The following FLRT1 variants were observed in gnomAD, a reference collection of about 807,000 sequenced individuals.
The protein encoded by FLRT1 is fibronectin leucine rich transmembrane protein 1, also known as leucine-rich repeat transmembrane protein FLRT1.
In FLRT1, 14 loss-of-function variants were observed where a neutral mutation model predicts 30.9. That is an observed-to-expected ratio of 0.45 (90% CI 0.30 to 0.71). The LOEUF is 0.71. Ranked by LOEUF, FLRT1 falls within the 30% of genes least tolerant of loss-of-function variation. The pLI is 0.08. For missense variants in FLRT1, 737 were observed against 949.2 expected, an observed-to-expected ratio of 0.78 and a Z score of 2.94; for synonymous variants, 368 against 430.4, an observed-to-expected ratio of 0.85 and a Z score of 1.80.
intron 1 of FLRT1, among the ~76,000 whole-genome samples, chr11:64,057,184 T>G (rs11231686): frequency 0.011 from 1,718 of 152,266 alleles, 35 homozygotes; most frequent in African/African-American, 0.039. Context: ...AGCCCCGTGT[T>G]TATAAGGCTG....
chr11:64,067,645 G>A lies in FLRT1; in HGVS notation c.-1038+31486G>A, dbSNP rs532120408. On this transcript the variant is annotated intron_variant, in intron 1 of 2. Coordinates refer to ENST00000682287, the MANE Select transcript of FLRT1 (RefSeq NM_013280.5). The surrounding 1 kb of genome is among the most constrained non-coding windows in gnomAD (Gnocchi z 4.6). ...CCCGTGGCCTCCGGTGCACACACAG[G>A]GTCCCCAAGCAGGCAGCTGGAGGGC... 1.7e-4 allele frequency among the ~76,000 whole-genome samples: 26 copies of A among 152,250 alleles called. No homozygotes were observed. Among genetic ancestry groups the A allele is most frequent in the African/African-American group, 6.3e-4 (26 of 41,554 alleles).
rs570152218 is a variant in FLRT1, at chr11:64,064,495, A to T, written c.-1038+28336A>T. 1.3e-5 allele frequency among the ~76,000 whole-genome samples: 2 copies of T among 152,084 alleles called. No individual in the cohort carries two copies. The highest frequency in any genetic ancestry group is 3.9e-4 in the East Asian group (2 of 5,172). On this transcript the variant is annotated intron_variant, in intron 1 of 2. Transcript: ENST00000682287. This position sits in a 1 kb window ranked among gnomAD's most constrained non-coding sequence, Gnocchi z 4.5. The stretch of plus-strand genomic sequence containing the variant: ...ACCGGAGGCCTCAGGCCTGCCCCGG[A>T]TGGGCACGCAGGCAGGGTGCATATG...
At chr11:64,039,421 G>C (rs503133) in intron 1 of FLRT1, among the ~76,000 whole-genome samples, 396 of 152,224 alleles carry the variant, frequency 2.6e-3, no homozygotes, top group Non-Finnish European at 4.1e-3. Flanking sequence ...GGGTGGTAGC[G>C]GGGGGTCCCT....
chr11:64,083,266 T>C (rs1034224659), intron 1 of FLRT1, among the ~76,000 whole-genome samples: 1 of 152,094 alleles, frequency 6.6e-6, no homozygotes, highest in Non-Finnish European at 1.5e-5. Context: ...TGAAACCCCA[T>C]CTCTACTAAA....
chr11:64,117,851 G>C lies in FLRT1; in HGVS notation c.1584G>C (p.Glu528Asp). 6.2e-7 allele frequency: 1 copy of C among 1,614,174 alleles called. No individual in the cohort carries two copies. Among genetic ancestry groups the C allele is most frequent in the Non-Finnish European group, 8.5e-7 (1 of 1,180,038 alleles). ...AGACACCCGTGTGTGCCAAGGCAGA[G>C]ACAGCCGACAGCTATGGCCCTACCA... Reference protein sequence around the residue: ...ADETPVCAKAETADSYGPTTT... With the variant: ...ADETPVCAKADTADSYGPTTT... Residue 528 changes from glutamate to aspartate, a missense_variant, in exon 3 of 3, where the codon GAG (glutamate) becomes GAC (aspartate). By Grantham distance (45) the Glu-to-Asp change is conservative (BLOSUM62 2). Transcript: ENST00000682287.
At chr11:64,089,582 A>G (rs1259708651) in intron 1 of FLRT1, among the ~76,000 whole-genome samples, 1 of 152,218 alleles carries the variant, frequency 6.6e-6, no homozygotes, top group Non-Finnish European at 1.5e-5. Context: ...GACCAGAGAA[A>G]GCGGCTGAAA....
intron 1 of FLRT1, among the ~76,000 whole-genome samples, chr11:64,072,812 T>TG (rs1160293353): frequency 6.6e-6 from 1 of 152,226 alleles, no homozygotes; most frequent in Non-Finnish European, 1.5e-5. Context: ...ACCCTGCATG[T>TG]GGCTCAGTGG....
chr11:64,083,323 C>G (rs1427364395), intron 1 of FLRT1, among the ~76,000 whole-genome samples: 2 of 152,186 alleles, frequency 1.3e-5, no homozygotes, highest in Non-Finnish European at 2.9e-5. Flanking sequence ...ATAGTCCCAG[C>G]TACTCCAGAG....
rs141502606 is a variant in FLRT1, at chr11:64,067,799, C to T, written c.-1038+31640C>T. 9.6e-3 allele frequency among the ~76,000 whole-genome samples: 1,467 copies of T among 152,214 alleles called. 15 individuals carry two copies. The highest frequency in any genetic ancestry group is 0.028 in the South Asian group (134 of 4,818). On this transcript the variant is annotated intron_variant, in intron 1 of 2. Coordinates refer to ENST00000682287, the MANE Select transcript of FLRT1 (RefSeq NM_013280.5). The surrounding 1 kb of genome is among the most constrained non-coding windows in gnomAD (Gnocchi z 4.6). ...CTGTTTGTTTTCCCTGACTGAGGGG[C>T]GGCTGTGCCACCCCCACACTCCTGA...
intron 1 of FLRT1, among the ~76,000 whole-genome samples, chr11:64,045,960 A>T (rs1004980933): frequency 1.3e-5 from 2 of 152,190 alleles, no homozygotes; most frequent in Non-Finnish European, 2.9e-5. Flanking sequence ...AACATGACTG[A>T]GCACTCACTG....
chr11:64,040,579 G>T (rs1943465264), intron 1 of FLRT1, among the ~76,000 whole-genome samples: 1 of 152,224 alleles, frequency 6.6e-6, no homozygotes, highest in Admixed American at 6.5e-5. Context: ...GGGATGCCAG[G>T]TCCCCTTTTC....
intron 1 of FLRT1, among the ~76,000 whole-genome samples, chr11:64,075,939 G>T (rs1458274902): frequency 1.3e-5 from 2 of 152,248 alleles, no homozygotes; most frequent in Non-Finnish European, 2.9e-5. Flanking sequence ...TTCCCAAAGT[G>T]TTGGGATTGC....
At chr11:64,058,438 G>A (rs561331089) in intron 1 of FLRT1, among the ~76,000 whole-genome samples, 3 of 152,384 alleles carry the variant, frequency 2.0e-5, no homozygotes, top group Non-Finnish European at 4.4e-5. Flanking sequence ...CAGGCCTGAC[G>A]AGGGGGCACC....
At chr11:64,114,908 G>A (rs564246270) in intron 2 of FLRT1, among the ~76,000 whole-genome samples, 2 of 152,306 alleles carry the variant, frequency 1.3e-5, no homozygotes, top group African/African-American at 2.4e-5. Context: ...TAGCTTGCTC[G>A]ATGGAAAGAA....
Position 64,116,305 on chromosome 11 carries a change from C to T in FLRT1, c.38C>T (p.Thr13Met), listed in dbSNP as rs139768227. The T allele has an allele frequency of 2.1e-4, 331 of 1,606,322 alleles. No individual in the cohort carries two copies. Among genetic ancestry groups the T allele is most frequent in the Non-Finnish European group, 2.6e-4 (309 of 1,178,150 alleles). ...CACCCCACCGCCACTGCCACCACCA[C>T]GCCCACTGCCACTGTCACGGCCACC... Reference protein sequence around the residue: ...VAHPTATATTTPTATVTATVV... With the variant: ...VAHPTATATTMPTATVTATVV... Residue 13 changes from threonine to methionine, a missense_variant, in exon 3 of 3, where the codon ACG (threonine) becomes ATG (methionine). By Grantham distance (81) the Thr-to-Met change is moderately conservative. Coordinates refer to ENST00000682287, the MANE Select transcript of FLRT1 (RefSeq NM_013280.5).
At chr11:64,112,058 T>C (rs915354958) in intron 2 of FLRT1, among the ~76,000 whole-genome samples, 2 of 152,220 alleles carry the variant, frequency 1.3e-5, no homozygotes, top group East Asian at 1.9e-4. Context: ...CAGGGGACCA[T>C]GGACAGGTCT....
At chr11:64,060,937 C>T (rs1004639482) in intron 1 of FLRT1, among the ~76,000 whole-genome samples, 1 of 151,322 alleles carries the variant, frequency 6.6e-6, no homozygotes, top group Non-Finnish European at 1.5e-5. Flanking sequence ...GCATGCGCAC[C>T]GCGGCGGCGG....
Position 64,117,613 on chromosome 11 carries a change from A to G in FLRT1, c.1346A>G (p.Asp449Gly). The part of the protein sequence containing the change: ...LAIHVKALTA[D>G]SIRITWKATL... ...ATCCACGTGAAGGCCCTGACGGCAG[A>G]CTCCATCCGCATCACGTGGAAGGCC... The change falls in exon 3 of 3, where the codon GAC (aspartate) becomes GGC (glycine). Residue 449 changes from aspartate (D) to glycine (G), a missense_variant. Coordinates refer to ENST00000682287, the MANE Select transcript of FLRT1 (RefSeq NM_013280.5). The G allele has an allele frequency of 1.2e-6, 2 of 1,613,284 alleles. No homozygotes were observed. Among genetic ancestry groups the G allele is most frequent in the Non-Finnish European group, 1.7e-6 (2 of 1,179,890 alleles).
chr11:64,053,090 C>T (rs1028232671), intron 1 of FLRT1, among the ~76,000 whole-genome samples: 2 of 152,220 alleles, frequency 1.3e-5, no homozygotes, highest in Non-Finnish European at 2.9e-5. Context: ...CTCCAGCACG[C>T]TGGGCCTGCC....
Sources: allele counts gnomAD v4.1 joint callset (sites outside exome capture counted in the v4.1 genomes callset), GRCh38; gene constraint gnomAD v4.1.1; non-coding constraint Gnocchi (gnomAD v3.1); transcripts MANE v1.5; gene names NCBI Gene and HGNC (gene_info 2026-07-23, HGNC 2026-07-21).